Variants in ITSN2 observed in about 807,000 individuals in gnomAD.
The protein encoded by ITSN2 is intersectin 2, also known as intersectin-2.
Under a neutral mutation model 243.7 loss-of-function variants are expected in ITSN2, and 156 were observed. That is an observed-to-expected ratio of 0.64 (90% CI 0.56 to 0.73). The LOEUF (loss-of-function observed/expected upper bound fraction) is 0.73. Ranked by LOEUF, ITSN2 falls within the 30% of genes least tolerant of loss-of-function variation. The probability of loss-of-function intolerance (pLI) is 0.00; values close to 1 mark genes in which losing one functional copy is unlikely to be tolerated. For synonymous variants in ITSN2, 703 were observed against 699.9 expected, an observed-to-expected ratio of 1.00 and a Z score of -0.07; for missense variants, 1,801 against 1,996.1, an observed-to-expected ratio of 0.90 and a Z score of 1.86.
At chr2:24,215,932 C>T (rs1356470133) in intron 32 of ITSN2, 117 bp downstream of exon 32, 1 of 700,522 alleles carries the variant, frequency 1.4e-6, no homozygotes, top group Admixed American at 3.9e-5. Flanking sequence ...TTGGTGTTTC[C>T]TTTGGAAACT....
At chr2:24,349,502 C>T (rs1290605189) in intron 1 of ITSN2, among the ~76,000 whole-genome samples, 3 of 152,192 alleles carry the variant, frequency 2.0e-5, no homozygotes, top group Non-Finnish European at 4.4e-5. Flanking sequence ...CCAAAGCCAA[C>T]TGTAGACTTT....
chr2:24,317,980 T>C (rs1684121389), intron 2 of ITSN2, among the ~76,000 whole-genome samples: 1 of 152,172 alleles, frequency 6.6e-6, no homozygotes, highest in African/African-American at 2.4e-5. Flanking sequence ...CAGTTTTAGG[T>C]TCACGGCAAG....
intron 9 of ITSN2, 29 bp downstream of exon 9, chr2:24,303,769 TA>T (rs745484851): frequency 1.5e-6 from 2 of 1,372,128 alleles, no homozygotes; most frequent in African/African-American, 1.4e-5. Flanking sequence ...ATAGTTAAAT[TA>T]ATCAAATGTA....
chr2:24,332,268 C>T (rs949565888), intron 1 of ITSN2, among the ~76,000 whole-genome samples: 7 of 151,980 alleles, frequency 4.6e-5, no homozygotes, highest in Non-Finnish European at 1.0e-4. Flanking sequence ...TTGTTGTATA[C>T]TCAATGATTG....
At chr2:24,289,254 T>G (rs1008362880) in intron 15 of ITSN2, among the ~76,000 whole-genome samples, 1 of 152,142 alleles carries the variant, frequency 6.6e-6, no homozygotes, top group Non-Finnish European at 1.5e-5. Context: ...GAACATGGAG[T>G]ATCTTTCCAT....
chr2:24,208,933 A>G (rs1200935937), intron 36 of ITSN2, among the ~76,000 whole-genome samples, 167 bp downstream of exon 36: 1 of 152,226 alleles, frequency 6.6e-6, no homozygotes, highest in Admixed American at 6.5e-5. Context: ...AGGCAGCTGC[A>G]GTGACCAAGG....
At chr2:24,301,702 T>C (rs1012703819) in intron 10 of ITSN2, among the ~76,000 whole-genome samples, 7 of 152,172 alleles carry the variant, frequency 4.6e-5, no homozygotes, top group Admixed American at 4.6e-4. Context: ...ATTATTTTTA[T>C]TTTTGTAGAT....
rs1573825996 is a variant in ITSN2 at position 24,203,504 on chromosome 2, G to A, written c.*122C>T. On this transcript the variant is annotated 3_prime_UTR_variant, in exon 40 of 40. Transcript: ENST00000355123. ...AGTGTGCAGGAAAACAGAGCCCCCAGCGTGCATGGCTTTGTGAGGGGTGAA... is the reference window on the plus strand; with the variant it reads ...AGTGTGCAGGAAAACAGAGCCCCCAACGTGCATGGCTTTGTGAGGGGTGAA... 1 of 946,386 alleles carries A rather than the reference G, an allele frequency of 1.1e-6. No homozygotes were observed. The highest frequency in any genetic ancestry group is 2.6e-5 in the East Asian group (1 of 38,016). 58.6% of individuals were successfully genotyped at this position (946,386 alleles called of 1,614,324 possible).
chr2:24,228,371 A>G (rs543026369), intron 29 of ITSN2, among the ~76,000 whole-genome samples: 110 of 152,336 alleles, frequency 7.2e-4, no homozygotes, highest in Non-Finnish European at 1.0e-3. Flanking sequence ...AGGAAATTAC[A>G]TAAGAAGGAA....
chr2:24,316,875 G>A (rs2151774944), intron 2 of ITSN2, among the ~76,000 whole-genome samples: 1 of 152,298 alleles, frequency 6.6e-6, no homozygotes, highest in Middle Eastern at 3.4e-3. Flanking sequence ...TCTAGCAAAA[G>A]GAAGTAGCCT....
intron 1 of ITSN2, among the ~76,000 whole-genome samples, chr2:24,343,529 A>C (rs757528089): frequency 1.5e-4 from 23 of 152,228 alleles, no homozygotes; most frequent in Non-Finnish European, 1.3e-4. Flanking sequence ...TTAATGCTAC[A>C]ATAAACATTC....
chr2:24,268,757 T>TA (rs34246892), intron 20 of ITSN2, among the ~76,000 whole-genome samples: 362 of 142,632 alleles, frequency 2.5e-3, no homozygotes, highest in Middle Eastern at 3.7e-3. Flanking sequence ...CAGCCAACTT[T>TA]AAAAAAAAAA....
At chr2:24,300,645 G>GGCT (rs1157651968) in intron 11 of ITSN2, among the ~76,000 whole-genome samples, 4 of 152,072 alleles carry the variant, frequency 2.6e-5, no homozygotes, top group Non-Finnish European at 5.9e-5. Flanking sequence ...CTTGAACCCA[G>GGCT]GAGGCGGAAG....
intron 29 of ITSN2, 76 bp downstream of exon 29, chr2:24,246,053 C>A: frequency 1.1e-6 from 1 of 936,474 alleles, no homozygotes; most frequent in African/African-American, 1.7e-5. Flanking sequence ...AGATCTAATC[C>A]AGAAAAGGAA....
At chr2:24,243,028 G>C (rs76869329) in intron 29 of ITSN2, among the ~76,000 whole-genome samples, 224 of 152,222 alleles carry the variant, frequency 1.5e-3, no homozygotes, top group Admixed American at 2.7e-3. Flanking sequence ...CCAAGAAAAT[G>C]ATGAGTTCCT....
chr2:24,323,722 A>G (rs1684840534), intron 2 of ITSN2, among the ~76,000 whole-genome samples: 2 of 152,236 alleles, frequency 1.3e-5, no homozygotes, highest in African/African-American at 2.4e-5. Flanking sequence ...CAACTTTAAA[A>G]TAAACTAAAA....
intron 2 of ITSN2, among the ~76,000 whole-genome samples, chr2:24,325,285 C>A (rs978335510): frequency 6.6e-6 from 1 of 151,990 alleles, no homozygotes; most frequent in Non-Finnish European, 1.5e-5. Flanking sequence ...TGGCTCACAC[C>A]TGTGGTCCCA....
chr2:24,292,929 A>G (rs1438909362), intron 15 of ITSN2, among the ~76,000 whole-genome samples: 2 of 152,208 alleles, frequency 1.3e-5, no homozygotes, highest in Non-Finnish European at 2.9e-5. Flanking sequence ...AACTATAATA[A>G]AGAGACCTAC....
At chr2:24,286,990 C>CT (rs1454831107) in intron 15 of ITSN2, among the ~76,000 whole-genome samples, 1 of 152,096 alleles carries the variant, frequency 6.6e-6, no homozygotes, top group Non-Finnish European at 1.5e-5. Context: ...GTTTAAATGT[C>CT]TGTTTTTAAC....
Sources: allele counts gnomAD v4.1 joint callset (sites outside exome capture counted in the v4.1 genomes callset), GRCh38; gene constraint gnomAD v4.1.1; transcripts MANE v1.5; gene names NCBI Gene and HGNC (gene_info 2026-07-23, HGNC 2026-07-21).